GRM8: variants seen among roughly 807,000 people sequenced by gnomAD.
GRM8 encodes metabotropic glutamate receptor 8.
A neutral mutation model predicts 87.2 loss-of-function variants in GRM8; 47 were observed. The observed-to-expected ratio is 0.54, with a 90% CI of 0.43 to 0.69. The LOEUF (loss-of-function observed/expected upper bound fraction) is 0.69, where lower values mean the gene tolerates loss of function less well. Ranked by LOEUF, GRM8 falls within the 30% of genes least tolerant of loss-of-function variation. The pLI is 0.00. For missense variants in GRM8, 1,019 were observed against 1,139.2 expected (o/e 0.89, Z 1.52); for synonymous variants, 396 against 404.5 (o/e 0.98, Z 0.25).
chr7:126,647,407 C>A (rs369327236), intron 7 of GRM8, among the ~76,000 whole-genome samples: 1 of 151,122 alleles, frequency 6.6e-6, no homozygotes. Flanking sequence ...ATATATCTTA[C>A]GAGTTAAATT....
intron 7 of GRM8, among the ~76,000 whole-genome samples, chr7:126,610,114 T>C (rs952833697): frequency 6.6e-5 from 10 of 152,226 alleles, no homozygotes; most frequent in Admixed American, 2.6e-4. Flanking sequence ...CAGTGACAGG[T>C]CTAACAGTGG....
chr7:126,688,739 G>GACACACACACACACACACACACACAC (rs3831573), intron 7 of GRM8, among the ~76,000 whole-genome samples: 5 of 145,712 alleles, frequency 3.4e-5, no homozygotes, highest in African/African-American at 1.3e-4. Flanking sequence ...CTCTCTTTCT[G>GACACACACACACACACACACACACAC]ACACACACAC....
chr7:127,185,174 C>T (rs1008457683), intron 2 of GRM8, among the ~76,000 whole-genome samples: 1 of 151,912 alleles, frequency 6.6e-6, no homozygotes, highest in African/African-American at 2.4e-5. Flanking sequence ...GTAAAGTAAG[C>T]TTGAACGACA....
intron 6 of GRM8, among the ~76,000 whole-genome samples, chr7:126,864,644 T>C (rs1189584864): frequency 6.6e-6 from 1 of 152,226 alleles, no homozygotes; most frequent in Non-Finnish European, 1.5e-5. Flanking sequence ...CCTTTTAAGA[T>C]ATCAAATTTA....
intron 7 of GRM8, among the ~76,000 whole-genome samples, chr7:126,674,867 A>G (rs1001002304): frequency 2.0e-5 from 3 of 152,224 alleles, no homozygotes; most frequent in African/African-American, 7.2e-5. Flanking sequence ...ATTTCTCGTT[A>G]GAGAGCTAAA....
chr7:126,800,602 A>C (rs1822559270), intron 6 of GRM8, among the ~76,000 whole-genome samples: 1 of 152,160 alleles, frequency 6.6e-6, no homozygotes, highest in Non-Finnish European at 1.5e-5. Context: ...CTTGGAGGGC[A>C]TGAAGTTTCA....
At chr7:126,580,502 G>A (rs1273486160) in intron 8 of GRM8, among the ~76,000 whole-genome samples, 2 of 152,036 alleles carry the variant, frequency 1.3e-5, no homozygotes, top group Non-Finnish European at 2.9e-5. Flanking sequence ...ACTTAAGATT[G>A]ATCATGAGCT....
chr7:127,076,044 G>T, intron 3 of GRM8: 1 of 414,910 alleles, frequency 2.4e-6, no homozygotes, highest in Non-Finnish European at 4.8e-6. Context: ...GGTTTGATAT[G>T]CTTAGTCTTG....
At position 127,009,630 on chromosome 7, in the gene GRM8, A is replaced by T. The variant is rs553730357; in HGVS notation, c.727+96866T>A. ...GAGTATGTTTTAAAGAAAAGTAAAA[A>T]TGAACAGAAAATTTTTACTTTATCA... is the stretch of plus-strand genomic sequence containing the variant. On this transcript the variant is annotated intron_variant, in intron 3 of 10. Transcript: ENST00000339582. Among the ~76,000 whole-genome samples the T allele has an allele frequency of 3.9e-5, 6 of 152,256 alleles. No individual in the cohort carries two copies. The East Asian group carries it at 1.2e-3, about 29-fold the overall frequency.
chr7:127,171,479 G>A (rs892834299), intron 2 of GRM8, among the ~76,000 whole-genome samples: 3 of 152,174 alleles, frequency 2.0e-5, no homozygotes, highest in African/African-American at 4.8e-5. Flanking sequence ...TGGGGCAAAC[G>A]TCATTGTTGC....
chr7:126,470,500 T>G (rs1232101928), intron 9 of GRM8, among the ~76,000 whole-genome samples: 1 of 152,074 alleles, frequency 6.6e-6, no homozygotes, highest in Non-Finnish European at 1.5e-5. Context: ...TTCATCCATT[T>G]CCCTACAAAG....
intron 6 of GRM8, among the ~76,000 whole-genome samples, chr7:126,873,453 C>T (rs1251751342): frequency 6.6e-6 from 1 of 152,042 alleles, no homozygotes; most frequent in Non-Finnish European, 1.5e-5. Context: ...TTAACTCTCA[C>T]ACACCCTTAA....
At chr7:126,560,014 A>T (rs1191086792) in intron 8 of GRM8, among the ~76,000 whole-genome samples, 7 of 152,228 alleles carry the variant, frequency 4.6e-5, no homozygotes, top group Non-Finnish European at 8.8e-5. Context: ...TTGAAATCTA[A>T]CCTAAAGATA....
In GRM8 at chr7:126,864,332, A is replaced by G. The variant is rs114268818; in HGVS notation, c.1156+38210T>C. Among the ~76,000 whole-genome samples the G allele has an allele frequency of 2.4e-3, 357 of 151,770 alleles. 2 individuals carry two copies. The highest frequency in any genetic ancestry group is 8.2e-3 in the African/African-American group (341 of 41,384). On this transcript the variant is annotated intron_variant, in intron 6 of 10. Transcript: ENST00000339582. ...CTATTGCCTCTCCTTCATTATTTCT[A>G]TACTCTTATTCTGGAATTCCTGCTT...
chr7:127,078,909 G>A (rs1033528973), intron 3 of GRM8, among the ~76,000 whole-genome samples: 36 of 152,196 alleles, frequency 2.4e-4, no homozygotes, highest in South Asian at 1.5e-3. Flanking sequence ...ATAAACAATC[G>A]GTTGGTGAGA....
intron 6 of GRM8, among the ~76,000 whole-genome samples, chr7:126,776,713 C>T (rs1393004233): frequency 1.3e-5 from 2 of 152,140 alleles, no homozygotes; most frequent in Admixed American, 6.6e-5. Context: ...GACTTGCATT[C>T]TGGTTCTAAC....
chr7:126,520,803 C>T (rs1420379390), intron 9 of GRM8, among the ~76,000 whole-genome samples: 1 of 152,130 alleles, frequency 6.6e-6, no homozygotes, highest in Non-Finnish European at 1.5e-5. Context: ...ATGGTAGTGA[C>T]TCCCTCTACT....
chr7:127,232,306 C>T (rs1051541992), intron 2 of GRM8, among the ~76,000 whole-genome samples: 1 of 152,058 alleles, frequency 6.6e-6, no homozygotes, highest in South Asian at 2.1e-4. Context: ...TCATGGCTCA[C>T]TGTAGCCTCA....
At chr7:126,766,519 C>A (rs1036044199) in intron 7 of GRM8, among the ~76,000 whole-genome samples, 1 of 151,934 alleles carries the variant, frequency 6.6e-6, no homozygotes, top group African/African-American at 2.4e-5. Flanking sequence ...TTTTTTAATT[C>A]CTTGAGAGTA....
Sources: gnomAD v4.1 joint callset for allele counts (sites outside exome capture counted in the v4.1 genomes callset) on GRCh38, gnomAD v4.1.1 for gene constraint, MANE v1.5 for transcripts, NCBI Gene and HGNC (gene_info 2026-07-23, HGNC 2026-07-21) for gene names.